H6PD: variants seen among roughly 807,000 people sequenced by gnomAD.
H6PD encodes GDH/6PGL endoplasmic bifunctional protein.
A neutral mutation model predicts 61.2 loss-of-function variants in H6PD; 48 were observed. The observed-to-expected ratio is 0.78, with a 90% CI of 0.62 to 1.00. H6PD has a LOEUF of 1.00. H6PD is among the 50% of genes least tolerant of loss of function. The probability of loss-of-function intolerance (pLI) is 0.00; values close to 1 mark genes in which losing one functional copy is unlikely to be tolerated. For missense variants in H6PD, 1,093 were observed against 1,065.0 expected (o/e 1.03, Z -0.37); for synonymous variants, 480 against 457.9 (o/e 1.05, Z -0.62).
At chr1:9,262,389 A>G (rs911767523) in intron 4 of H6PD, 61 bp downstream of exon 4, 1 of 1,464,418 alleles carries the variant, frequency 6.8e-7, no homozygotes, top group African/African-American at 1.4e-5. Flanking sequence ...GCAGCTTTCC[A>G]AATGCAGACG....
At chr1:9,241,100 G>A (rs1319819742) in intron 1 of H6PD, among the ~76,000 whole-genome samples, 3 of 152,314 alleles carry the variant, frequency 2.0e-5, no homozygotes, top group African/African-American at 7.2e-5. Context: ...TGCAGGGCCT[G>A]GCTCTGTAGC....
Position 9,244,926 on chromosome 1 carries a change from CA to C in H6PD, c.-8del. ...CGTCTGTCTCTCTTTGCACCCCAGG[CA>C]CCCAGGCATGTGGAATATGCTCATA... On this transcript the variant is annotated splice_region_variant and 5_prime_UTR_variant, in exon 2 of 5. Coordinates refer to ENST00000377403, the MANE Select transcript of H6PD (RefSeq NM_004285.4). 1 of 1,182,464 alleles carries C rather than the reference CA, an allele frequency of 8.5e-7. No homozygotes were observed. Among genetic ancestry groups the C allele is most frequent in the Non-Finnish European group, 1.2e-6 (1 of 861,788 alleles). 73.2% of individuals were successfully genotyped at this position (1,182,464 alleles called of 1,614,324 possible).
At chr1:9,235,818 C>T (rs2100297878) in intron 1 of H6PD, among the ~76,000 whole-genome samples, 1 of 152,196 alleles carries the variant, frequency 6.6e-6, no homozygotes, top group Non-Finnish European at 1.5e-5. Context: ...CACTATGTTG[C>T]CCTGGCTGGT....
In H6PD at chr1:9,258,572, A is replaced by G. The variant is rs570803557; in HGVS notation, c.746-3487A>G. Among the ~76,000 whole-genome samples, 5 of 151,116 alleles carry G rather than the reference A, an allele frequency of 3.3e-5. No individual in the cohort carries two copies. The South Asian group carries it at 8.4e-4, about 25-fold the overall frequency. ...TACATTGCTGTTAAGCTGGTGTTAT[A>G]TTGTTATGCTGGTGTTGTAACATTG... is the stretch of plus-strand genomic sequence containing the variant. On this transcript the variant is annotated intron_variant, in intron 3 of 4. Coordinates refer to ENST00000377403, the MANE Select transcript of H6PD (RefSeq NM_004285.4).
At chr1:9,246,769 G>A (rs1376806156) in intron 2 of H6PD, among the ~76,000 whole-genome samples, 197 bp from the exon 3 acceptor site, 5 of 152,126 alleles carry the variant, frequency 3.3e-5, no homozygotes, top group Admixed American at 6.5e-5. Flanking sequence ...ATACAAATCT[G>A]GTAACCCTTT....
chr1:9,260,082 G>A (rs1264716253), intron 3 of H6PD, among the ~76,000 whole-genome samples: 1 of 151,988 alleles, frequency 6.6e-6, no homozygotes, highest in Non-Finnish European at 1.5e-5. Context: ...TTGTTACGTT[G>A]CTGTTGTTAC....
chr1:9,245,630 C>A lies in H6PD; in HGVS notation c.627+69C>A. 4.1e-6 allele frequency: 6 copies of A among 1,480,256 alleles called. No individual in the cohort carries two copies. The highest frequency in any genetic ancestry group is 5.6e-6 in the Non-Finnish European group (6 of 1,062,674). The allele number at this position is 1,480,256 out of a possible 1,614,324, so 91.7% of individuals were successfully genotyped here. On this transcript the variant is annotated intron_variant, in intron 2 of 4. Transcript: ENST00000377403. This position sits in a 1 kb window ranked among gnomAD's most constrained non-coding sequence, Gnocchi z 4.8. ...CGCTGGTAGACCCCAGCAACAAAGC[C>A]GCTCGCTCATTGTGGAGCTAGGCCC...
At chr1:9,253,781 C>T (rs895361148) in intron 3 of H6PD, among the ~76,000 whole-genome samples, 1 of 152,198 alleles carries the variant, frequency 6.6e-6, no homozygotes, top group Admixed American at 6.5e-5. Flanking sequence ...CATGAAATAC[C>T]AACTGTGTTT....
chr1:9,249,211 C>T (rs2100343313), intron 3 of H6PD, among the ~76,000 whole-genome samples: 1 of 152,302 alleles, frequency 6.6e-6, no homozygotes, highest in Admixed American at 6.5e-5. Flanking sequence ...CTTAGTTCTT[C>T]CAGCCCTCCC....
rs760735851 is a variant in H6PD at position 9,262,270 on chromosome 1, G to A, written c.957G>A (p.Gln319=). The part of the protein sequence containing the change: ...VVGQYQSYSE[Q]VRRELQKPDS... ...GCCAGTACCAGTCTTACAGTGAGCA[G>A]GTGCGCAGAGAGCTGCAGAAGCCAG... The change falls in exon 4 of 5, where the codon CAG becomes CAA. Residue 319 remains glutamine (Q), a synonymous_variant. Transcript: ENST00000377403. The A allele has an allele frequency of 3.2e-5, 51 of 1,610,898 alleles. No homozygotes were observed. The highest frequency in any genetic ancestry group is 4.3e-5 in the Non-Finnish European group (51 of 1,178,676).
intron 4 of H6PD, 111 bp downstream of exon 4, chr1:9,262,439 CCCAGG>C (rs1382846453): frequency 9.5e-7 from 1 of 1,049,922 alleles, no homozygotes; most frequent in Non-Finnish European, 1.4e-6. Flanking sequence ...TGGGATTTCC[CCCAGG>C]GTGCTCGGAG....
Position 9,262,140 on chromosome 1 carries a change from C to G in H6PD, c.827C>G (p.Ala276Gly), listed in dbSNP as rs1230545372. The G allele has an allele frequency of 6.2e-7, 1 of 1,614,204 alleles. No individual in the cohort carries two copies. Among genetic ancestry groups the G allele is most frequent in the Non-Finnish European group, 8.5e-7 (1 of 1,180,000 alleles). ...NHLTEVLTLV[A>G]MELPHNVSSA... ...CTGACGGAGGTCCTCACCCTCGTGG[C>G]CATGGAGCTGCCCCACAATGTCAGC... Residue 276 changes from alanine (A) to glycine (G), a missense_variant, in exon 4 of 5, where the codon GCC becomes GGC. Physicochemically the swap from Ala to Gly is moderately conservative, Grantham distance 60. Coordinates refer to ENST00000377403, the MANE Select transcript of H6PD (RefSeq NM_004285.4).
Position 9,246,955 on chromosome 1 carries a change from C to T in H6PD, c.628-11C>T, listed in dbSNP as rs1367077272. On this transcript the variant is annotated splice_polypyrimidine_tract_variant and intron_variant, in intron 2 of 4. Coordinates refer to ENST00000377403, the MANE Select transcript of H6PD (RefSeq NM_004285.4). ...TATCCTGCAGCACGCCCAGTCTTCC[C>T]CCCCCGACAGGCTGTGGCGCAGATC... The T allele has an allele frequency of 6.3e-7, 1 of 1,589,538 alleles. No homozygotes were observed. Among genetic ancestry groups the T allele is most frequent in the Non-Finnish European group, 8.6e-7 (1 of 1,157,556 alleles).
In H6PD at chr1:9,246,987, T is replaced by C. The variant is rs768903156; in HGVS notation, c.649T>C (p.Phe217Leu). ...GKQAVAQILP[F>L]RDQNRKALDG... ...ACAGGCTGTGGCGCAGATCCTGCCTTTCCGAGACCAGAACCGCAAGGCTTT... is the reference window on the plus strand; with the variant it reads ...ACAGGCTGTGGCGCAGATCCTGCCTCTCCGAGACCAGAACCGCAAGGCTTT... The change falls in exon 3 of 5, where the codon TTC becomes CTC. Residue 217 changes from phenylalanine to leucine, a missense_variant. Transcript: ENST00000377403. 1.7e-5 allele frequency: 27 copies of C among 1,613,594 alleles called. No individual in the cohort carries two copies. In the East Asian group the frequency reaches 6.0e-4, roughly 36 times the overall value.
chr1:9,261,699 A>C (rs979173913), intron 3 of H6PD, among the ~76,000 whole-genome samples: 1 of 152,236 alleles, frequency 6.6e-6, no homozygotes, highest in Non-Finnish European at 1.5e-5. Flanking sequence ...TAGCCCCCAC[A>C]GTGCCGAGCC....
chr1:9,252,975 C>T (rs958190570), intron 3 of H6PD, among the ~76,000 whole-genome samples: 7 of 152,124 alleles, frequency 4.6e-5, no homozygotes, highest in African/African-American at 1.4e-4. Flanking sequence ...ACTTTCAACC[C>T]GGGAAAATAC....
chr1:9,237,909 T>C (rs114275594), intron 1 of H6PD, among the ~76,000 whole-genome samples: 10 of 152,248 alleles, frequency 6.6e-5, no homozygotes, highest in African/African-American at 2.4e-4. Flanking sequence ...ATACTGGAGG[T>C]ACTGCGGAGA....
In H6PD at chr1:9,261,922, C is replaced by T. The variant is rs367583538; in HGVS notation, c.746-137C>T. ...TGGTGAGGTTGGCTTTGGTGTGCAC[C>T]ATTTTTATAGGCCCTGTGGACTGGG... On this transcript the variant is annotated intron_variant, in intron 3 of 4. Coordinates refer to ENST00000377403, the MANE Select transcript of H6PD (RefSeq NM_004285.4). 4.0e-4 allele frequency: 357 copies of T among 892,910 alleles called. 5 individuals carry two copies. The South Asian group carries it at 4.6e-3, about 11-fold the overall frequency. 55.3% of individuals were successfully genotyped at this position (892,910 alleles called of 1,614,324 possible).
In H6PD at chr1:9,254,685, T is replaced by G. The variant is rs1007102911; in HGVS notation, c.746-7374T>G. The stretch of plus-strand genomic sequence containing the variant: ...GCTTCTGCTTCCCTGTTCTAAAACC[T>G]TTTTTAAAAAGTTTTATTGAGCTGT... On this transcript the variant is annotated intron_variant, in intron 3 of 4. Transcript: ENST00000377403. The surrounding 1 kb of genome is among the most constrained non-coding windows in gnomAD (Gnocchi z 4.6). Among the ~76,000 whole-genome samples the G allele has an allele frequency of 6.6e-6, 1 of 152,202 alleles. No individual in the cohort carries two copies. The highest frequency in any genetic ancestry group is 1.5e-5 in the Non-Finnish European group (1 of 68,032).
Sources: gnomAD v4.1 joint callset for allele counts (sites outside exome capture counted in the v4.1 genomes callset) on GRCh38, gnomAD v4.1.1 for gene constraint, Gnocchi (gnomAD v3.1) non-coding constraint, MANE v1.5 for transcripts, NCBI Gene and HGNC (gene_info 2026-07-23, HGNC 2026-07-21) for gene names.